The following KIAA2012 variants were observed in gnomAD, a reference collection of about 807,000 sequenced individuals.
KIAA2012 encodes KIAA2012, also known as uncharacterized protein KIAA2012.
In KIAA2012, 125 loss-of-function variants were observed where a neutral mutation model predicts 150.6. That is an observed-to-expected ratio of 0.83 (90% CI 0.72 to 0.96). The LOEUF (loss-of-function observed/expected upper bound fraction) is 0.96, where lower values mean the gene tolerates loss of function less well. Ranked by LOEUF, KIAA2012 falls within the 40% of genes least tolerant of loss-of-function variation. The pLI is 0.00. For missense variants in KIAA2012, 1,219 were observed against 1,354.9 expected, an observed-to-expected ratio of 0.90 and a Z score of 1.57; for synonymous variants, 462 against 504.7, an observed-to-expected ratio of 0.92 and a Z score of 1.13.
chr2:202,148,047 G>C (rs1383493509), intron 13 of KIAA2012, among the ~76,000 whole-genome samples: 1 of 152,194 alleles, frequency 6.6e-6, no homozygotes, highest in Admixed American at 6.5e-5. Context: ...CAGTGATTCT[G>C]TTGTATCAAC....
intron 2 of KIAA2012, among the ~76,000 whole-genome samples, chr2:202,083,684 T>A (rs977697517): frequency 5.2e-5 from 7 of 134,836 alleles, no homozygotes; most frequent in African/African-American, 2.0e-4. Flanking sequence ...GCCCTGGGCC[T>A]AAAACAGTGC....
chr2:202,132,782 A>ATG (rs1310089551), intron 12 of KIAA2012, among the ~76,000 whole-genome samples: 4 of 88,822 alleles, frequency 4.5e-5, no homozygotes, highest in Non-Finnish European at 8.7e-5. Flanking sequence ...ATACATATAT[A>ATG]TATGCGTATA....
chr2:202,146,085 T>C (rs78903025), intron 13 of KIAA2012, among the ~76,000 whole-genome samples: 3 of 152,328 alleles, frequency 2.0e-5, no homozygotes, highest in African/African-American at 4.8e-5. Context: ...ATGTAGTTGG[T>C]ACAGTTATTA....
At chr2:202,132,802 A>T (rs10166931) in intron 12 of KIAA2012, among the ~76,000 whole-genome samples, 2,909 of 94,666 alleles carry the variant, frequency 0.031, 158 homozygotes, top group African/African-American at 0.078. Flanking sequence ...ATATATATAT[A>T]TTTTTTTTTT....
chr2:202,139,750 C>T (rs1575032096), intron 13 of KIAA2012, among the ~76,000 whole-genome samples: 1 of 152,224 alleles, frequency 6.6e-6, no homozygotes, highest in Non-Finnish European at 1.5e-5. Flanking sequence ...ACTTTGCAGA[C>T]ATCCCATTTA....
chr2:202,143,589 T>C (rs1373567701), intron 13 of KIAA2012, among the ~76,000 whole-genome samples: 1 of 151,426 alleles, frequency 6.6e-6, no homozygotes, highest in Non-Finnish European at 1.5e-5. Flanking sequence ...TTTTTCTAAA[T>C]TCTACCTATA....
intron 2 of KIAA2012, among the ~76,000 whole-genome samples, chr2:202,080,601 C>G (rs1195602657): frequency 6.7e-6 from 1 of 149,258 alleles, no homozygotes; most frequent in Non-Finnish European, 1.5e-5. Context: ...GAGGCTAAGG[C>G]AGGAGAATTG....
chr2:202,176,231 G>C (rs576244442), intron 15 of KIAA2012, among the ~76,000 whole-genome samples: 1 of 148,964 alleles, frequency 6.7e-6, no homozygotes, highest in African/African-American at 2.5e-5. Flanking sequence ...ACGGAGTCTC[G>C]CTCTATTGCC....
intron 4 of KIAA2012, 122 bp downstream of exon 4, chr2:202,093,307 G>C (rs1269149688): frequency 5.5e-5 from 54 of 974,848 alleles, no homozygotes; most frequent in Non-Finnish European, 8.1e-5. Flanking sequence ...TCCTCAATCT[G>C]TAAAATGAGG....
intron 15 of KIAA2012, among the ~76,000 whole-genome samples, chr2:202,168,311 C>T (rs916134003): frequency 4.7e-5 from 7 of 149,136 alleles, no homozygotes; most frequent in African/African-American, 1.2e-4. Flanking sequence ...CCCAGCTACT[C>T]GGGAGGCTGA....
At position 202,100,362 on chromosome 2, in the gene KIAA2012, G is replaced by C; in HGVS notation, c.1068G>C (p.Val356=). 6.4e-7 allele frequency: 1 copy of C among 1,550,618 alleles called. No individual in the cohort carries two copies. The highest frequency in any genetic ancestry group is 1.2e-5 in the South Asian group (1 of 84,068). Residue 356 remains valine, a synonymous_variant, in exon 7 of 24, where the codon GTG becomes GTC. Transcript: ENST00000498697. ...HKARSSHLLQ[V]LPAERSLFPP... is the part of the protein sequence containing the mutation. ...CCAGAAGCAGCCACTTGTTACAGGT[G>C]CTTCCTGCTGAAAGAAGCCTCTTCC...
At chr2:202,096,700 G>A (rs1689893149) in intron 4 of KIAA2012, among the ~76,000 whole-genome samples, 1 of 152,202 alleles carries the variant, frequency 6.6e-6, no homozygotes, top group South Asian at 2.1e-4. Context: ...ATTGTTCCAT[G>A]GAGCTGCATG....
chr2:202,193,508 G>A lies in KIAA2012; in HGVS notation c.3014+5G>A. On this transcript the variant is annotated splice_donor_5th_base_variant and intron_variant, in intron 20 of 23. Transcript: ENST00000498697. The stretch of plus-strand genomic sequence containing the variant: ...GAGACGTACAGAAGAGATCCGGTAG[G>A]TTGGGCAAGCCAAAGAGACTACAGC... The A allele has an allele frequency of 6.5e-7, 1 of 1,549,904 alleles. No individual in the cohort carries two copies. The highest frequency in any genetic ancestry group is 1.2e-5 in the South Asian group (1 of 84,034).
In KIAA2012 at chr2:202,073,567, C is replaced by G; in HGVS notation, c.-61C>G. 1 of 1,436,062 alleles carries G rather than the reference C, an allele frequency of 7.0e-7. No individual in the cohort carries two copies. The highest frequency in any genetic ancestry group is 1.2e-5 in the South Asian group (1 of 80,348). The allele number at this position is 1,436,062 out of a possible 1,614,324, so 89.0% of individuals were successfully genotyped here. On this transcript the variant is annotated 5_prime_UTR_variant, in exon 1 of 24. Coordinates refer to ENST00000498697, the MANE Select transcript of KIAA2012 (RefSeq NM_001277372.4). ...AGCTCTGGAAATCTTGAGGTGTGACCAGATTTCAGCCTTCAAAACCAAGAT... is the reference window on the plus strand; with the variant it reads ...AGCTCTGGAAATCTTGAGGTGTGACGAGATTTCAGCCTTCAAAACCAAGAT...
At chr2:202,155,929 G>A (rs1177026214) in intron 14 of KIAA2012, among the ~76,000 whole-genome samples, 4 of 151,936 alleles carry the variant, frequency 2.6e-5, no homozygotes, top group South Asian at 2.1e-4. Flanking sequence ...AGGTCATTCC[G>A]GTACTGAATA....
chr2:202,078,531 C>T (rs1689376105), intron 2 of KIAA2012, among the ~76,000 whole-genome samples: 1 of 152,160 alleles, frequency 6.6e-6, no homozygotes, highest in African/African-American at 2.4e-5. Context: ...TCAAGAAATC[C>T]ACCCACCTTG....
intron 1 of KIAA2012, among the ~76,000 whole-genome samples, chr2:202,074,354 G>C (rs1172172586): frequency 6.6e-6 from 1 of 152,130 alleles, no homozygotes; most frequent in Non-Finnish European, 1.5e-5. Context: ...GGCATATAAA[G>C]TTTCAAAGGA....
chr2:202,142,712 G>T (rs912810286), intron 13 of KIAA2012, among the ~76,000 whole-genome samples: 3 of 152,142 alleles, frequency 2.0e-5, no homozygotes, highest in Non-Finnish European at 4.4e-5. Context: ...AACAAGGACA[G>T]CCTGGAGGTT....
chr2:202,178,948 A>G (rs917859297), intron 15 of KIAA2012: 54 of 269,002 alleles, frequency 2.0e-4, no homozygotes, highest in Non-Finnish European at 2.8e-4. Flanking sequence ...TATTAAGGGA[A>G]TGATGCCAAT....
Sources: gnomAD v4.1 joint callset for allele counts (sites outside exome capture counted in the v4.1 genomes callset) on GRCh38, gnomAD v4.1.1 for gene constraint, MANE v1.5 for transcripts, NCBI Gene and HGNC (gene_info 2026-07-23, HGNC 2026-07-21) for gene names.